The following SIK3 variants were observed in gnomAD, a reference collection of about 807,000 sequenced individuals.
SIK3 encodes the protein SIK family kinase 3.
SIK3 carries 28 observed loss-of-function variants against 144.2 expected under a neutral mutation model. The ratio of observed to expected loss-of-function variants is 0.19; its 90% CI spans 0.14 to 0.27. SIK3 has a LOEUF of 0.27. Among genes scored for constraint, SIK3 ranks in the 10% least tolerant of loss-of-function variants. SIK3 has a pLI of 1.00. For missense variants in SIK3, 1,319 were observed against 1,776.0 expected (o/e 0.74, Z 4.62); for synonymous variants, 686 against 676.3 (o/e 1.01, Z -0.22).
intron 1 of SIK3, among the ~76,000 whole-genome samples, chr11:117,076,054 G>C (rs1954519453): frequency 1.3e-5 from 2 of 151,706 alleles, no homozygotes; most frequent in South Asian, 2.1e-4. Context: ...TCACCATGTT[G>C]GCCAGGCTGG....
At chr11:117,033,707 C>CT (rs1371078303) in intron 1 of SIK3, among the ~76,000 whole-genome samples, 2 of 75,128 alleles carry the variant, frequency 2.7e-5, no homozygotes, top group Non-Finnish European at 4.4e-5. Context: ...GAGACTCCGT[C>CT]TAAAAAAAAA....
chr11:117,006,604 A>T (rs1951056531), intron 1 of SIK3, among the ~76,000 whole-genome samples: 1 of 152,064 alleles, frequency 6.6e-6, no homozygotes, highest in African/African-American at 2.4e-5. Flanking sequence ...TGCAAACCCA[A>T]ACAAACAACA....
intron 1 of SIK3, among the ~76,000 whole-genome samples, chr11:116,959,142 C>CA (rs1805855567): frequency 1.3e-5 from 2 of 152,048 alleles, no homozygotes; most frequent in African/African-American, 4.8e-5. Context: ...CCAGCATGGG[C>CA]AATATGGTGA....
chr11:116,872,275 C>T (rs961622292), intron 13 of SIK3, among the ~76,000 whole-genome samples: 74 of 152,316 alleles, frequency 4.9e-4, no homozygotes, highest in African/African-American at 1.7e-3. Flanking sequence ...AACTTGTTAG[C>T]GACCTTGGCA....
At chr11:116,942,950 CAG>C (rs1948391522) in intron 3 of SIK3, among the ~76,000 whole-genome samples, 1 of 152,086 alleles carries the variant, frequency 6.6e-6, no homozygotes, top group Non-Finnish European at 1.5e-5. Context: ...AGGGCAGATT[CAG>C]AGAGACTATT....
chr11:116,967,946 T>C (rs980616581), intron 1 of SIK3, among the ~76,000 whole-genome samples: 9 of 152,204 alleles, frequency 5.9e-5, no homozygotes, highest in Non-Finnish European at 8.8e-5. Flanking sequence ...TGGAATGTTT[T>C]GTGTGATGGC....
chr11:117,019,895 T>TA (rs967179313), intron 1 of SIK3, among the ~76,000 whole-genome samples: 54 of 149,426 alleles, frequency 3.6e-4, no homozygotes, highest in African/African-American at 1.3e-3. Flanking sequence ...AGACTCCGTT[T>TA]AAAAAAAAAG....
Position 117,064,599 on chromosome 11 carries a change from T to A in SIK3, c.273+33544A>T, listed in dbSNP as rs370765146. Among the ~76,000 whole-genome samples the A allele has an allele frequency of 2.0e-5, 3 of 152,212 alleles. No individual in the cohort carries two copies. The East Asian group carries it at 5.8e-4, about 29-fold the overall frequency. On this transcript the variant is annotated intron_variant, in intron 1 of 24. Transcript: ENST00000445177. ...CATATTATCTTATCAGACTTCATAA[T>A]TCTCCACTGCTGCCTAGATCTTGAT... is the stretch of plus-strand genomic sequence containing the variant.
intron 1 of SIK3, among the ~76,000 whole-genome samples, chr11:116,996,168 T>G (rs1270730192): frequency 6.6e-6 from 1 of 151,876 alleles, no homozygotes; most frequent in Admixed American, 6.6e-5. Flanking sequence ...ATTAGCCAGG[T>G]GTGGTGGTGT....
chr11:116,979,334 T>C (rs922557864), intron 1 of SIK3, among the ~76,000 whole-genome samples: 1 of 152,162 alleles, frequency 6.6e-6, no homozygotes, highest in Non-Finnish European at 1.5e-5. Context: ...GACTTTCCTA[T>C]TTCCATTTTT....
intron 1 of SIK3, among the ~76,000 whole-genome samples, chr11:117,068,999 C>T (rs536869116): frequency 6.6e-6 from 1 of 152,140 alleles, no homozygotes; most frequent in East Asian, 1.9e-4. Flanking sequence ...AGGGCTTGTT[C>T]TCTCAGTGAT....
rs1944075179 is a variant in SIK3 at position 116,873,556 on chromosome 11, T to C, written c.1662A>G (p.Gly554=). ...GPLGRRASDG[G]ANIQLHAQQL... is the part of the protein sequence containing the mutation. ...GCTGGGCATGCAGTTGGATGTTGGC[T>C]CCTCCATCTGATGCCCTCCGGCCAA... The change falls in exon 13 of 25, where the codon GGA becomes GGG. Residue 554 remains glycine (G), a synonymous_variant. Coordinates refer to ENST00000445177, the MANE Select transcript of SIK3 (RefSeq NM_001366686.3). 1 of 1,612,466 alleles carries C rather than the reference T, an allele frequency of 6.2e-7. No homozygotes were observed. Among genetic ancestry groups the C allele is most frequent in the Non-Finnish European group, 8.5e-7 (1 of 1,179,336 alleles).
At chr11:117,024,893 C>A (rs1373903660) in intron 1 of SIK3, among the ~76,000 whole-genome samples, 5 of 151,348 alleles carry the variant, frequency 3.3e-5, no homozygotes, top group Admixed American at 6.6e-5. Context: ...CAGAGTGAGA[C>A]CCTACCTTAA....
intron 1 of SIK3, among the ~76,000 whole-genome samples, chr11:116,985,323 C>CA (rs948585596): frequency 5.3e-5 from 8 of 151,460 alleles, no homozygotes; most frequent in African/African-American, 1.2e-4. Context: ...GTGGGTTTGT[C>CA]AAAAAAACAA....
intron 1 of SIK3, among the ~76,000 whole-genome samples, chr11:117,074,727 A>C (rs961994553): frequency 2.0e-5 from 3 of 152,038 alleles, no homozygotes; most frequent in Non-Finnish European, 4.4e-5. Context: ...GTTTGGGACC[A>C]GTCTAGCCAA....
intron 1 of SIK3, among the ~76,000 whole-genome samples, chr11:117,028,978 G>A (rs994378906): frequency 1.3e-5 from 2 of 151,176 alleles, no homozygotes; most frequent in African/African-American, 2.4e-5. Context: ...GTGTGATCTC[G>A]GCTCTCTGCA....
At chr11:117,052,320 T>A (rs1045024407) in intron 1 of SIK3, among the ~76,000 whole-genome samples, 2 of 152,122 alleles carry the variant, frequency 1.3e-5, no homozygotes, top group Non-Finnish European at 2.9e-5. Context: ...ATTAATATCA[T>A]AGCAGTAGGC....
chr11:116,986,918 A>G (rs1056693130), intron 1 of SIK3, among the ~76,000 whole-genome samples: 4 of 152,332 alleles, frequency 2.6e-5, no homozygotes, highest in Non-Finnish European at 5.9e-5. Context: ...TACTGGCTCA[A>G]ACTCATAGAA....
At chr11:116,899,733 T>C (rs1268483311) in intron 4 of SIK3, among the ~76,000 whole-genome samples, 1 of 152,124 alleles carries the variant, frequency 6.6e-6, no homozygotes, top group Non-Finnish European at 1.5e-5. Context: ...GGCCAAAGGA[T>C]TGAGTCTCTG....
Sources: gnomAD v4.1 joint callset for allele counts (sites outside exome capture counted in the v4.1 genomes callset) on GRCh38, gnomAD v4.1.1 for gene constraint, MANE v1.5 for transcripts, NCBI Gene and HGNC (gene_info 2026-07-23, HGNC 2026-07-21) for gene names.